Variants in CSMD3 observed in about 807,000 individuals in gnomAD.
CSMD3 encodes the protein CUB and sushi domain-containing protein 3.
Under a neutral mutation model 435.2 loss-of-function variants are expected in CSMD3, and 177 were observed. The ratio of observed to expected loss-of-function variants is 0.41; its 90% CI spans 0.36 to 0.46. CSMD3 has a LOEUF of 0.46. CSMD3 is among the 20% of genes least tolerant of loss of function. The pLI is 0.34. For missense variants in CSMD3, 4,265 were observed against 4,504.6 expected, an observed-to-expected ratio of 0.95 and a Z score of 1.52; for synonymous variants, 1,656 against 1,520.5, an observed-to-expected ratio of 1.09 and a Z score of -2.07.
At chr8:112,613,505 T>C (rs941893773) in intron 22 of CSMD3, among the ~76,000 whole-genome samples, 1 of 152,176 alleles carries the variant, frequency 6.6e-6, no homozygotes, top group Non-Finnish European at 1.5e-5. Context: ...AATAATCACA[T>C]AATTTCAAAG....
chr8:113,144,327 G>T (rs1008940589), intron 4 of CSMD3, among the ~76,000 whole-genome samples: 1 of 151,164 alleles, frequency 6.6e-6, no homozygotes, highest in Non-Finnish European at 1.5e-5. Context: ...AGTTAGTTTT[G>T]ATAGGATCAA....
intron 10 of CSMD3, among the ~76,000 whole-genome samples, chr8:112,915,285 A>G (rs550973063): frequency 5.9e-5 from 9 of 151,834 alleles, no homozygotes; most frequent in Non-Finnish European, 1.3e-4. Context: ...CATTACTAAT[A>G]TGGTTATTGC....
intron 32 of CSMD3, among the ~76,000 whole-genome samples, chr8:112,410,581 C>CATATATGTGTAT (rs1832257335): frequency 3.7e-5 from 3 of 80,442 alleles, no homozygotes; most frequent in Non-Finnish European, 7.2e-5. Flanking sequence ...TATGTATATA[C>CATATATGTGTAT]ATACATATGT....
intron 13 of CSMD3, among the ~76,000 whole-genome samples, chr8:112,733,415 T>G (rs1323111960): frequency 6.6e-6 from 1 of 151,852 alleles, no homozygotes; most frequent in Non-Finnish European, 1.5e-5. Flanking sequence ...GTAAAGTCTT[T>G]AATGAAAAAA....
At chr8:113,354,822 A>C (rs1422474151) in intron 1 of CSMD3, among the ~76,000 whole-genome samples, 1 of 151,640 alleles carries the variant, frequency 6.6e-6, no homozygotes, top group East Asian at 1.9e-4. Flanking sequence ...TTTTCTTTGT[A>C]GACACGAGGA....
At chr8:112,872,543 G>GT (rs2081165494) in intron 10 of CSMD3, among the ~76,000 whole-genome samples, 1 of 151,780 alleles carries the variant, frequency 6.6e-6, no homozygotes, top group African/African-American at 2.4e-5. Flanking sequence ...ATTTTTCAAG[G>GT]TAAAAAAAAG....
chr8:113,370,482 G>A (rs2094340455), intron 1 of CSMD3, among the ~76,000 whole-genome samples: 1 of 151,086 alleles, frequency 6.6e-6, no homozygotes, highest in Admixed American at 6.6e-5. Flanking sequence ...TTCACAAAAA[G>A]GCATATTGTG....
intron 18 of CSMD3, 87 bp downstream of exon 18, chr8:112,656,067 A>G (rs2075249890): frequency 1.4e-6 from 1 of 729,302 alleles, no homozygotes; most frequent in African/African-American, 1.8e-5. Flanking sequence ...AAATAAATAG[A>G]GCTAATAGTT....
At chr8:113,080,303 A>AT (rs1564289752) in intron 5 of CSMD3, among the ~76,000 whole-genome samples, 1 of 152,182 alleles carries the variant, frequency 6.6e-6, no homozygotes, top group East Asian at 1.9e-4. Flanking sequence ...CATAAAAACA[A>AT]TTTTTATGCT....
chr8:112,437,802 A>G (rs887451568), intron 32 of CSMD3, among the ~76,000 whole-genome samples: 4 of 152,084 alleles, frequency 2.6e-5, no homozygotes, highest in African/African-American at 4.8e-5. Flanking sequence ...TTCAGAGCAA[A>G]AATAGCGAAT....
At chr8:112,871,764 T>C (rs768682974) in intron 10 of CSMD3, among the ~76,000 whole-genome samples, 5 of 152,068 alleles carry the variant, frequency 3.3e-5, no homozygotes, top group Non-Finnish European at 5.9e-5. Context: ...TACCTTCTCT[T>C]CCTTTTTGGG....
chr8:112,994,264 T>C (rs186215345), intron 6 of CSMD3, among the ~76,000 whole-genome samples: 35 of 151,864 alleles, frequency 2.3e-4, no homozygotes, highest in African/African-American at 8.4e-4. Context: ...AGTGAAGTAA[T>C]GTTCTGTATT....
chr8:113,294,904 T>C (rs975093831), intron 2 of CSMD3, among the ~76,000 whole-genome samples: 1 of 152,168 alleles, frequency 6.6e-6, no homozygotes, highest in Non-Finnish European at 1.5e-5. Flanking sequence ...GTATCCTCAC[T>C]AATGATTATG....
intron 13 of CSMD3, among the ~76,000 whole-genome samples, chr8:112,708,296 A>C (rs149883252): frequency 5.9e-4 from 90 of 152,226 alleles, no homozygotes; most frequent in African/African-American, 2.1e-3. Context: ...ATAAGTGGAA[A>C]AGTAAATTAT....
At chr8:112,365,943 T>G (rs1008573770) in intron 38 of CSMD3, among the ~76,000 whole-genome samples, 6 of 152,296 alleles carry the variant, frequency 3.9e-5, no homozygotes, top group African/African-American at 1.2e-4. Context: ...CCAAAACTTT[T>G]GTGCCCAGAT....
At position 113,138,288 on chromosome 8, in the gene CSMD3, A is replaced by T. The variant is rs970896771; in HGVS notation, c.709+35434T>A. Among the ~76,000 whole-genome samples the T allele has an allele frequency of 2.6e-5, 4 of 151,438 alleles. No homozygotes were observed. The Admixed American group carries it at 2.6e-4, about 10-fold the overall frequency. On this transcript the variant is annotated intron_variant, in intron 4 of 70. Coordinates refer to ENST00000297405, the MANE Select transcript of CSMD3 (RefSeq NM_198123.2). Reference sequence around the variant, plus strand: ...TATAGGCTATTTGAGGGTCAGTGTCACTAGTTGTAACTAAAAAAATTGAAT... The same window carrying T: ...TATAGGCTATTTGAGGGTCAGTGTCTCTAGTTGTAACTAAAAAAATTGAAT...
intron 10 of CSMD3, among the ~76,000 whole-genome samples, chr8:112,890,124 T>G (rs2081739630): frequency 6.6e-6 from 1 of 151,866 alleles, no homozygotes; most frequent in South Asian, 2.1e-4. Context: ...GTTTTGGCAC[T>G]AATGGTTTAT....
intron 5 of CSMD3, among the ~76,000 whole-genome samples, chr8:113,050,768 A>G (rs1206602807): frequency 6.6e-6 from 1 of 152,106 alleles, no homozygotes; most frequent in East Asian, 1.9e-4. Flanking sequence ...GTTAAAATAA[A>G]TATATGTGAA....
intron 4 of CSMD3, among the ~76,000 whole-genome samples, chr8:113,118,344 T>A (rs969588304): frequency 6.6e-6 from 1 of 152,236 alleles, no homozygotes; most frequent in Non-Finnish European, 1.5e-5. Flanking sequence ...CTTCTCAATA[T>A]GTCCATAAAA....
Sources: gnomAD v4.1 joint callset for allele counts (sites outside exome capture counted in the v4.1 genomes callset) on GRCh38, gnomAD v4.1.1 for gene constraint, MANE v1.5 for transcripts, NCBI Gene and HGNC (gene_info 2026-07-23, HGNC 2026-07-21) for gene names.